Variants in THSD7B observed in about 807,000 individuals in gnomAD.
THSD7B encodes the protein thrombospondin type-1 domain-containing protein 7B.
Under a neutral mutation model 213.6 loss-of-function variants are expected in THSD7B, and 138 were observed. The observed-to-expected ratio is 0.65, with a 90% CI of 0.56 to 0.74. The LOEUF (loss-of-function observed/expected upper bound fraction) is 0.74, where lower values mean the gene tolerates loss of function less well. Among genes scored for constraint, THSD7B ranks in the 30% least tolerant of loss-of-function variants. THSD7B has a pLI of 0.00. For synonymous variants in THSD7B, 742 were observed against 687.0 expected, an observed-to-expected ratio of 1.08 and a Z score of -1.25; for missense variants, 1,931 against 1,991.5, an observed-to-expected ratio of 0.97 and a Z score of 0.58.
At chr2:137,236,771 A>G (rs1404859087) in intron 9 of THSD7B, among the ~76,000 whole-genome samples, 1 of 152,168 alleles carries the variant, frequency 6.6e-6, no homozygotes, top group Non-Finnish European at 1.5e-5. Flanking sequence ...AAAAAATGGC[A>G]GGTCTTTGTA....
rs1422192668 is a variant in THSD7B at position 136,806,688 on chromosome 2, T to C, written c.-36+41001T>C. On this transcript the variant is annotated intron_variant, in intron 1 of 27. Coordinates refer to ENST00000409968, the MANE Select transcript of THSD7B (RefSeq NM_001316349.2). ...TGGCACATTTGACAGAAGACGAATC[T>C]GCTAACTATTGAACAAATAGTTTCC... 5.9e-5 allele frequency among the ~76,000 whole-genome samples: 9 copies of C among 152,362 alleles called. No homozygotes were observed. The East Asian group carries it at 1.7e-3, about 29-fold the overall frequency.
chr2:136,846,841 G>T (rs1474108703), intron 1 of THSD7B, among the ~76,000 whole-genome samples: 1 of 152,010 alleles, frequency 6.6e-6, no homozygotes, highest in Non-Finnish European at 1.5e-5. Context: ...CTATTTCCTA[G>T]GACTCTATTG....
chr2:137,596,166 T>C (rs352188), intron 17 of THSD7B, among the ~76,000 whole-genome samples: 82,582 of 151,744 alleles, frequency 0.54, 25,445 homozygotes, highest in African/African-American at 0.85. Flanking sequence ...GGAAACTCAC[T>C]AAACAGGTAA....
intron 12 of THSD7B, among the ~76,000 whole-genome samples, chr2:137,374,165 G>GGA (rs150018963): frequency 2.6e-5 from 4 of 151,534 alleles, no homozygotes; most frequent in Admixed American, 6.6e-5. Flanking sequence ...AGGGAGGGAG[G>GGA]GAGAGAGAGA....
At chr2:137,181,274 T>C (rs1002238873) in intron 7 of THSD7B, among the ~76,000 whole-genome samples, 12 of 152,140 alleles carry the variant, frequency 7.9e-5, no homozygotes, top group Non-Finnish European at 1.2e-4. Flanking sequence ...TCCTTCATCG[T>C]AGAGATATTC....
chr2:137,501,721 A>G (rs909529328), intron 15 of THSD7B, among the ~76,000 whole-genome samples: 9 of 152,238 alleles, frequency 5.9e-5, no homozygotes, highest in Non-Finnish European at 1.2e-4. Context: ...ATTTAATTCA[A>G]GATTTCCTCA....
chr2:137,189,484 T>C (rs917067986), intron 7 of THSD7B, among the ~76,000 whole-genome samples: 1 of 152,066 alleles, frequency 6.6e-6, no homozygotes, highest in East Asian at 2.0e-4. Flanking sequence ...AGCCACAAGG[T>C]CAACGTCACC....
At chr2:137,316,160 T>A (rs1684093912) in intron 12 of THSD7B, among the ~76,000 whole-genome samples, 1 of 152,240 alleles carries the variant, frequency 6.6e-6, no homozygotes. Flanking sequence ...TTTTCACAGA[T>A]CTGTTAGAAG....
intron 20 of THSD7B, among the ~76,000 whole-genome samples, chr2:137,628,589 GT>G (rs1259367761): frequency 8.3e-6 from 1 of 119,936 alleles, no homozygotes; most frequent in African/African-American, 2.6e-5. Context: ...CATTGAAACA[GT>G]TGGTTGCGCC....
chr2:137,223,139 C>T (rs757368664), intron 7 of THSD7B, among the ~76,000 whole-genome samples: 32 of 152,190 alleles, frequency 2.1e-4, no homozygotes, highest in South Asian at 6.2e-4. Flanking sequence ...CTGAGTGTCC[C>T]TGTATGGGCT....
chr2:136,853,468 A>C (rs1189970115), intron 1 of THSD7B, among the ~76,000 whole-genome samples: 1 of 152,126 alleles, frequency 6.6e-6, no homozygotes, highest in Admixed American at 6.5e-5. Flanking sequence ...GATACCATAG[A>C]AATGATTCTA....
At chr2:137,083,396 C>T (rs1240378776) in intron 3 of THSD7B, among the ~76,000 whole-genome samples, 3 of 152,094 alleles carry the variant, frequency 2.0e-5, no homozygotes, top group Admixed American at 1.3e-4. Context: ...TTGCCTTCTC[C>T]GTCATATTTT....
At chr2:136,934,039 A>C (rs909665197) in intron 2 of THSD7B, among the ~76,000 whole-genome samples, 3 of 152,168 alleles carry the variant, frequency 2.0e-5, no homozygotes, top group African/African-American at 7.2e-5. Flanking sequence ...TACAAGCCTC[A>C]TTGACACAAA....
chr2:137,236,148 A>G (rs181712425), intron 9 of THSD7B, among the ~76,000 whole-genome samples: 1 of 152,216 alleles, frequency 6.6e-6, no homozygotes, highest in Non-Finnish European at 1.5e-5. Flanking sequence ...CCCCTGTCAT[A>G]TATGAAATCT....
chr2:137,559,093 A>T (rs1419826015), intron 15 of THSD7B, among the ~76,000 whole-genome samples: 1 of 152,186 alleles, frequency 6.6e-6, no homozygotes, highest in African/African-American at 2.4e-5. Context: ...GAACATTCCA[A>T]GCTCATGGAT....
chr2:136,828,953 C>T (rs557188358), intron 1 of THSD7B, among the ~76,000 whole-genome samples: 68 of 152,318 alleles, frequency 4.5e-4, no homozygotes, highest in Middle Eastern at 3.4e-3. Flanking sequence ...ACAGAGCATG[C>T]ACTCAGTAAC....
intron 17 of THSD7B, among the ~76,000 whole-genome samples, chr2:137,580,448 A>G (rs1239983984): frequency 6.6e-6 from 1 of 152,206 alleles, no homozygotes; most frequent in Non-Finnish European, 1.5e-5. Context: ...AGTTTTTAAA[A>G]AATTGGTTCA....
chr2:137,072,660 G>A (rs1015935182), intron 3 of THSD7B, among the ~76,000 whole-genome samples: 3 of 152,162 alleles, frequency 2.0e-5, no homozygotes, highest in South Asian at 2.1e-4. Context: ...AGTGGTGAGA[G>A]GGGGCGTCCC....
In THSD7B at chr2:137,284,741, T is replaced by A. The variant is rs186497345; in HGVS notation, c.2500+8715T>A. ...GAGTTTCTTAATCCTGAGTTCTAAT[T>A]TGATTGCACTGTGGTCTGAGAGATA... On this transcript the variant is annotated intron_variant, in intron 12 of 27. Transcript: ENST00000409968. 5.9e-5 allele frequency among the ~76,000 whole-genome samples: 9 copies of A among 152,294 alleles called. No individual in the cohort carries two copies. In the East Asian group the frequency reaches 1.7e-3, roughly 29 times the overall value.
Sources: allele counts gnomAD v4.1 joint callset (sites outside exome capture counted in the v4.1 genomes callset), GRCh38; gene constraint gnomAD v4.1.1; transcripts MANE v1.5; gene names NCBI Gene and HGNC (gene_info 2026-07-23, HGNC 2026-07-21).